STARD10: variants seen among roughly 807,000 people sequenced by gnomAD.
The protein encoded by STARD10 is StAR related lipid transfer domain containing 10, also known as START domain-containing protein 10.
STARD10 carries 24 observed loss-of-function variants against 36.0 expected under a neutral mutation model. That is an observed-to-expected ratio of 0.67 (90% confidence interval 0.48 to 0.94). The LOEUF is 0.94. Among genes scored for constraint, STARD10 ranks in the 40% least tolerant of loss-of-function variants. STARD10 has a pLI of 0.00. For synonymous variants in STARD10, 156 were observed against 161.9 expected (o/e 0.96, Z 0.28); for missense variants, 335 against 396.6 (o/e 0.84, Z 1.32).
intron 2 of STARD10, chr11:72,780,361 C>A (rs1301314159): frequency 9.5e-6 from 4 of 421,692 alleles, no homozygotes; most frequent in Admixed American, 5.3e-5. Context: ...CCTTCCCCAG[C>A]CCACCTGTAG....
intron 2 of STARD10, among the ~76,000 whole-genome samples, chr11:72,765,197 C>A (rs519201): frequency 6.6e-6 from 1 of 152,078 alleles, no homozygotes; most frequent in Admixed American, 6.5e-5. Flanking sequence ...ACCCGAGAGG[C>A]GGAGGTTGCA....
intron 4 of STARD10, 80 bp from the exon 5 acceptor site, chr11:72,757,964 C>T (rs899900505): frequency 2.5e-5 from 29 of 1,142,320 alleles, no homozygotes; most frequent in Admixed American, 1.2e-4. Flanking sequence ...CAAACGCGCA[C>T]GCGCACACAC....
At chr11:72,767,539 C>T (rs779388910) in intron 2 of STARD10, among the ~76,000 whole-genome samples, 1 of 152,158 alleles carries the variant, frequency 6.6e-6, no homozygotes. Context: ...CAGGACTGGC[C>T]CAGCTAAAAC....
Position 72,758,542 on chromosome 11 carries a change from T to C in STARD10, c.447A>G (p.Ser149=), listed in dbSNP as rs1488864520. 5 of 1,613,726 alleles carry C rather than the reference T, an allele frequency of 3.1e-6. No individual in the cohort carries two copies. The African/African-American group carries it at 6.7e-5, about 22-fold the overall frequency. The change falls in exon 4 of 7, where the codon TCA becomes TCG. Residue 149 remains serine (S), a synonymous_variant. Coordinates refer to ENST00000334805, the MANE Select transcript of STARD10 (RefSeq NM_006645.3). The part of the protein sequence containing the change: ...MGADYIIMNY[S]VKHPKYPPRK... ...CAGGTTGACTCACGGGATGTTTGAC[T>C]GAGTAGTTCATAATGATGTAATCAG... is the stretch of plus-strand genomic sequence containing the variant.
At chr11:72,774,405 C>A (rs1858904342) in intron 2 of STARD10, among the ~76,000 whole-genome samples, 1 of 152,126 alleles carries the variant, frequency 6.6e-6, no homozygotes, top group Admixed American at 6.6e-5. Context: ...TGCCACCTGC[C>A]CCGTGCCACC....
chr11:72,777,241 C>T (rs1488687776), intron 2 of STARD10, among the ~76,000 whole-genome samples: 8 of 152,260 alleles, frequency 5.3e-5, no homozygotes, highest in Admixed American at 2.0e-4. Flanking sequence ...AGCACGTGAG[C>T]ATCCAGGCCA....
intron 2 of STARD10, among the ~76,000 whole-genome samples, chr11:72,767,062 G>C (rs1858801823): frequency 6.6e-6 from 1 of 152,216 alleles, no homozygotes; most frequent in Non-Finnish European, 1.5e-5. Context: ...CATTTCAGCA[G>C]ATAGTTTTGT....
intron 5 of STARD10, 101 bp downstream of exon 5, chr11:72,757,666 C>A: frequency 9.4e-7 from 1 of 1,061,374 alleles, no homozygotes; most frequent in Non-Finnish European, 1.4e-6. Context: ...AAATGCAAAA[C>A]AGCTCCTAAC....
intron 1 of STARD10, among the ~76,000 whole-genome samples, chr11:72,784,217 T>G (rs114716100): frequency 1.3e-5 from 2 of 152,042 alleles, no homozygotes; most frequent in African/African-American, 4.8e-5. Context: ...CCCCATCTGC[T>G]CCAGAGCAGA....
At chr11:72,762,467 C>T (rs1387257165) in intron 2 of STARD10, among the ~76,000 whole-genome samples, 4 of 151,950 alleles carry the variant, frequency 2.6e-5, no homozygotes, top group Non-Finnish European at 5.9e-5. Context: ...TTTGTGTCAC[C>T]CTAAACAATT....
At chr11:72,790,175 A>G (rs56133113) in intron 1 of STARD10, among the ~76,000 whole-genome samples, 14,460 of 152,204 alleles carry the variant, frequency 0.095, 875 homozygotes, top group South Asian at 0.21. Flanking sequence ...TGCAAACCAC[A>G]GCCCACCCAG....
At chr11:72,785,756 C>T (rs1025465136) in intron 1 of STARD10, 1 of 152,628 alleles carries the variant, frequency 6.6e-6, no homozygotes, top group Non-Finnish European at 1.5e-5. Context: ...TGCCCAGTGT[C>T]CTGGACAGTG....
At position 72,769,500 on chromosome 11, in the gene STARD10, C is replaced by T. The variant is rs190524348; in HGVS notation, c.208-10119G>A. Among the ~76,000 whole-genome samples the T allele has an allele frequency of 3.9e-3, 592 of 152,216 alleles. 2 individuals are homozygous for T. Among genetic ancestry groups the T allele is most frequent in the African/African-American group, 0.014 (570 of 41,534 alleles). On this transcript the variant is annotated intron_variant, in intron 2 of 6. Coordinates refer to ENST00000334805, the MANE Select transcript of STARD10 (RefSeq NM_006645.3). Reference sequence around the variant, plus strand: ...CTGGGACTACAGGTGTGTGCCACCACGCCTGGCTAATTTTTGTATTTTTTG... The same window carrying T: ...CTGGGACTACAGGTGTGTGCCACCATGCCTGGCTAATTTTTGTATTTTTTG...
intron 4 of STARD10, 127 bp downstream of exon 4, chr11:72,758,403 G>T: frequency 1.4e-6 from 1 of 737,178 alleles, no homozygotes; most frequent in Non-Finnish European, 2.4e-6. Flanking sequence ...TCACTGTACA[G>T]GAAGGAAACT....
At chr11:72,783,645 CTCTTGGA>C (rs1266410809) in intron 1 of STARD10, 1 of 152,844 alleles carries the variant, frequency 6.5e-6, no homozygotes, top group Non-Finnish European at 1.5e-5. Flanking sequence ...GAACTGTATC[CTCTTGGA>C]TCTGCCACGA....
intron 1 of STARD10, among the ~76,000 whole-genome samples, chr11:72,789,025 T>C (rs978310831): frequency 6.7e-6 from 1 of 149,116 alleles, no homozygotes; most frequent in African/African-American, 2.5e-5. Flanking sequence ...CCAGCTAACT[T>C]TGTAATTTTT....
intron 2 of STARD10, chr11:72,780,053 C>A: frequency 3.0e-6 from 1 of 330,708 alleles, no homozygotes; most frequent in East Asian, 8.3e-5. Flanking sequence ...GCGAAGGGCA[C>A]AGCCTATTGC....
chr11:72,785,803 A>T (rs984034324), intron 1 of STARD10: 2 of 152,074 alleles, frequency 1.3e-5, no homozygotes, highest in African/African-American at 4.9e-5. Flanking sequence ...CAGGATGCCC[A>T]CCCCTACTCA....
chr11:72,789,464 T>G (rs1859114629), intron 1 of STARD10, among the ~76,000 whole-genome samples: 1 of 152,078 alleles, frequency 6.6e-6, no homozygotes, highest in Non-Finnish European at 1.5e-5. Context: ...CTTGTCCCCC[T>G]CCCTCACCCC....
Sources: allele counts gnomAD v4.1 joint callset (sites outside exome capture counted in the v4.1 genomes callset), GRCh38; gene constraint gnomAD v4.1.1; transcripts MANE v1.5; gene names NCBI Gene and HGNC (gene_info 2026-07-23, HGNC 2026-07-21).